Variants in PDZD2 observed in about 807,000 individuals in gnomAD.
PDZD2 encodes PDZ domain containing 2.
PDZD2 carries 90 observed loss-of-function variants against 220.7 expected under a neutral mutation model. The ratio of observed to expected loss-of-function variants is 0.41; its 90% CI spans 0.34 to 0.49. The LOEUF (loss-of-function observed/expected upper bound fraction) is 0.49. Among genes scored for constraint, PDZD2 ranks in the 20% least tolerant of loss-of-function variants. The pLI is 0.28. For synonymous variants in PDZD2, 1,375 were observed against 1,450.5 expected (o/e 0.95, Z 1.18); for missense variants, 3,174 against 3,608.5 (o/e 0.88, Z 3.08).
rs140299548 is a variant in PDZD2, at chr5:31,894,595, C to T, written c.477-88560C>T. ...ACCAAGTATATTTTGCTTTTCCAAG[C>T]GCTTCCAGACCCCTGTCCGCATGTA... is the stretch of plus-strand genomic sequence containing the variant. On this transcript the variant is annotated intron_variant, in intron 2 of 24. Coordinates refer to ENST00000438447, the MANE Select transcript of PDZD2 (RefSeq NM_178140.4). 9.2e-5 allele frequency among the ~76,000 whole-genome samples: 14 copies of T among 152,278 alleles called. No individual in the cohort carries two copies. The East Asian group carries it at 1.7e-3, about 19-fold the overall frequency.
intron 12 of PDZD2, among the ~76,000 whole-genome samples, chr5:32,058,958 A>G (rs954787251): frequency 7.2e-5 from 11 of 152,218 alleles, no homozygotes; most frequent in Admixed American, 7.2e-4. Flanking sequence ...TAGCCTGCCT[A>G]TTTCTAAAAA....
intron 1 of PDZD2, among the ~76,000 whole-genome samples, chr5:31,768,458 T>C (rs1468112795): frequency 6.6e-6 from 1 of 151,904 alleles, no homozygotes; most frequent in Non-Finnish European, 1.5e-5. Context: ...CTGGCCAACA[T>C]AGTGAAACCC....
At chr5:31,669,067 C>T (rs1158404232) in intron 1 of PDZD2, among the ~76,000 whole-genome samples, 1 of 151,868 alleles carries the variant, frequency 6.6e-6, no homozygotes, top group Non-Finnish European at 1.5e-5. Flanking sequence ...TTTTGGTGTC[C>T]CTGGGGGTGC....
chr5:31,899,427 C>T lies in PDZD2; in HGVS notation c.477-83728C>T, dbSNP rs577675519. ...GGATTACAGGCATGAGCCAGTGCGC[C>T]GGGCTGGAGCCTCTCTTTTCACAAG... On this transcript the variant is annotated intron_variant, in intron 2 of 24. Transcript: ENST00000438447. Among the ~76,000 whole-genome samples, 207 of 152,236 alleles carry T rather than the reference C, an allele frequency of 1.4e-3. 1 individual carries two copies. The highest frequency in any genetic ancestry group is 4.7e-3 in the African/African-American group (196 of 41,544).
intron 1 of PDZD2, among the ~76,000 whole-genome samples, chr5:31,786,493 T>A (rs1481521250): frequency 6.6e-6 from 1 of 152,206 alleles, no homozygotes; most frequent in Non-Finnish European, 1.5e-5. Flanking sequence ...TATAAGCACA[T>A]AAATATAAAA....
At position 31,799,575 on chromosome 5, in the gene PDZD2, C is replaced by G. The variant is rs1754266315; in HGVS notation, c.327C>G (p.His109Gln). The stretch of plus-strand genomic sequence containing the variant: ...GGGGGGGCAAGAAGAGGAAAACCCA[C>G]CAGGGTCCTGTGCTGGATGTGGGCT... ...KRRGGKKRKT[H>Q]QGPVLDVGCI... Residue 109 changes from histidine to glutamine, a missense_variant, in exon 2 of 25, where the codon CAC becomes CAG. By Grantham distance (24) the His-to-Gln change is conservative. Coordinates refer to ENST00000438447, the MANE Select transcript of PDZD2 (RefSeq NM_178140.4). The G allele has an allele frequency of 6.2e-7, 1 of 1,613,998 alleles. No individual in the cohort carries two copies. Among genetic ancestry groups the G allele is most frequent in the Non-Finnish European group, 8.5e-7 (1 of 1,180,010 alleles).
intron 1 of PDZD2, among the ~76,000 whole-genome samples, chr5:31,687,720 G>A (rs140107105): frequency 4.9e-4 from 74 of 152,228 alleles, no homozygotes; most frequent in African/African-American, 1.6e-3. Flanking sequence ...GTGCCAACAC[G>A]GCCGGGTTCT....
chr5:31,875,355 A>C (rs1000692386), intron 2 of PDZD2, among the ~76,000 whole-genome samples: 1 of 152,102 alleles, frequency 6.6e-6, no homozygotes, highest in African/African-American at 2.4e-5. Flanking sequence ...AGGCCGAGGC[A>C]GACCGATCAC....
chr5:31,864,815 A>G (rs1738043122), intron 2 of PDZD2, among the ~76,000 whole-genome samples: 1 of 144,742 alleles, frequency 6.9e-6, no homozygotes, highest in South Asian at 2.2e-4. Flanking sequence ...TGCCCAGTCG[A>G]ATTGTATCTT....
At chr5:32,003,377 A>C in intron 5 of PDZD2, among the ~76,000 whole-genome samples, 2 of 53,046 alleles carry the variant, frequency 3.8e-5, no homozygotes, top group Non-Finnish European at 4.5e-5. Flanking sequence ...CACACACCAC[A>C]CACACACCCA....
chr5:31,790,532 A>C (rs751144843), intron 1 of PDZD2, among the ~76,000 whole-genome samples: 16 of 151,976 alleles, frequency 1.1e-4, no homozygotes, highest in Non-Finnish European at 1.9e-4. Context: ...AAAGAGGGAG[A>C]GGAAGAGTTG....
chr5:31,886,853 A>G (rs554484353), intron 2 of PDZD2, among the ~76,000 whole-genome samples: 6 of 152,132 alleles, frequency 3.9e-5, no homozygotes, highest in East Asian at 1.9e-4. Flanking sequence ...GCCTGCCACC[A>G]CACCCAGCTA....
intron 14 of PDZD2, among the ~76,000 whole-genome samples, chr5:32,063,963 T>C (rs1739945073): frequency 6.6e-6 from 1 of 152,224 alleles, no homozygotes; most frequent in Non-Finnish European, 1.5e-5. Flanking sequence ...AACCTTGACC[T>C]GAGCAGAGTA....
At chr5:31,868,945 G>T (rs10075050) in intron 2 of PDZD2, among the ~76,000 whole-genome samples, 31,706 of 151,992 alleles carry the variant, frequency 0.21, 4,433 homozygotes, top group African/African-American at 0.39. Flanking sequence ...GCTAATTTTT[G>T]TATTTTTAGC....
chr5:31,856,119 C>G (rs1364367470), intron 2 of PDZD2, among the ~76,000 whole-genome samples: 1 of 152,194 alleles, frequency 6.6e-6, no homozygotes, highest in Non-Finnish European at 1.5e-5. Context: ...AGAGTTTGCA[C>G]TCTTACACTG....
chr5:31,820,332 A>G (rs1055135304), intron 2 of PDZD2, among the ~76,000 whole-genome samples: 4 of 152,196 alleles, frequency 2.6e-5, no homozygotes, highest in African/African-American at 7.2e-5. Context: ...TTGAGGGACC[A>G]TGGCAAACGA....
chr5:31,908,459 T>G (rs183148200), intron 2 of PDZD2: 7 of 771,572 alleles, frequency 9.1e-6, no homozygotes, highest in Non-Finnish European at 1.4e-5. Context: ...GCGAAGATGG[T>G]CTGTAGGAGA....
intron 1 of PDZD2, among the ~76,000 whole-genome samples, chr5:31,746,060 G>GC (rs1750588985): frequency 6.6e-6 from 1 of 152,022 alleles, no homozygotes; most frequent in African/African-American, 2.4e-5. Flanking sequence ...TAGAACTGTG[G>GC]AGCTCTAGCT....
chr5:32,037,381 G>GAAAACTCATCCT, intron 7 of PDZD2, 39 bp downstream of exon 7: 1 of 1,168,920 alleles, frequency 8.6e-7, no homozygotes, highest in Non-Finnish European at 1.3e-6. Context: ...TGTCTAGGAT[G>GAAAACTCATCCT]AGTTTTCAGC....
Sources: gnomAD v4.1 joint callset for allele counts (sites outside exome capture counted in the v4.1 genomes callset) on GRCh38, gnomAD v4.1.1 for gene constraint, MANE v1.5 for transcripts, NCBI Gene and HGNC (gene_info 2026-07-23, HGNC 2026-07-21) for gene names.